The following CNTNAP5 variants were observed in gnomAD, a reference collection of about 807,000 sequenced individuals.
CNTNAP5 encodes contactin-associated protein-like 5.
In CNTNAP5, 72 loss-of-function variants were observed where a neutral mutation model predicts 150.2. That is an observed-to-expected ratio of 0.48 (90% CI 0.40 to 0.58). The LOEUF is 0.58. Ranked by LOEUF, CNTNAP5 falls within the 20% of genes least tolerant of loss-of-function variation. CNTNAP5 has a pLI of 0.00. For missense variants in CNTNAP5, 1,636 were observed against 1,626.2 expected, an observed-to-expected ratio of 1.01 and a Z score of -0.10; for synonymous variants, 672 against 619.8, an observed-to-expected ratio of 1.08 and a Z score of -1.25.
chr2:124,586,882 A>G (rs13432190), intron 11 of CNTNAP5, among the ~76,000 whole-genome samples: 1,798 of 152,268 alleles, frequency 0.012, 37 homozygotes, highest in African/African-American at 0.041. Flanking sequence ...GATTTTTTAT[A>G]TTAAATGTAC....
At chr2:124,461,691 A>C (rs2104821426) in intron 6 of CNTNAP5, among the ~76,000 whole-genome samples, 1 of 151,882 alleles carries the variant, frequency 6.6e-6, no homozygotes, top group Non-Finnish European at 1.5e-5. Context: ...AAAAATAAAC[A>C]ATAAAAAATA....
intron 12 of CNTNAP5, among the ~76,000 whole-genome samples, chr2:124,645,995 T>C (rs1304978716): frequency 1.3e-5 from 2 of 152,054 alleles, no homozygotes; most frequent in Non-Finnish European, 2.9e-5. Context: ...AGGGATCCAC[T>C]CCCAAGACCC....
intron 1 of CNTNAP5, among the ~76,000 whole-genome samples, chr2:124,127,240 T>C (rs993752810): frequency 1.3e-5 from 2 of 152,090 alleles, no homozygotes; most frequent in East Asian, 3.9e-4. Flanking sequence ...TGTGCAAAAA[T>C]CACAAGCATT....
At chr2:124,240,521 G>A (rs148261918) in intron 2 of CNTNAP5, among the ~76,000 whole-genome samples, 6 of 152,264 alleles carry the variant, frequency 3.9e-5, no homozygotes, top group Non-Finnish European at 7.3e-5. Flanking sequence ...AGAAGGAAGA[G>A]AGAATGGATA....
chr2:124,884,226 T>C (rs1305193139), intron 21 of CNTNAP5, among the ~76,000 whole-genome samples: 1 of 152,068 alleles, frequency 6.6e-6, no homozygotes, highest in East Asian at 1.9e-4. Context: ...TGCATGCATA[T>C]GTATGTGTGC....
At chr2:124,799,790 G>A (rs536163501) in intron 19 of CNTNAP5, among the ~76,000 whole-genome samples, 1 of 152,302 alleles carries the variant, frequency 6.6e-6, no homozygotes, top group African/African-American at 2.4e-5. Flanking sequence ...AAATAATGAT[G>A]ATGGACCACA....
chr2:124,148,314 A>G (rs1029544037), intron 1 of CNTNAP5, among the ~76,000 whole-genome samples: 2 of 150,908 alleles, frequency 1.3e-5, no homozygotes, highest in African/African-American at 2.4e-5. Context: ...AAAAAGAAAG[A>G]AAAAAAAGAA....
rs1681686229 is a variant in CNTNAP5, at chr2:124,789,915, C to T, written c.2766C>T (p.Ser922=). 6.2e-7 allele frequency: 1 copy of T among 1,613,234 alleles called. No homozygotes were observed. The highest frequency in any genetic ancestry group is 2.2e-5 in the East Asian group (1 of 44,854). ...NSQLFVGGTS[S]RQKGFLGCIR... ...TTAACCTCTTAGGGGGAACGTCATC[C>T]AGACAGAAAGGCTTCCTAGGATGCA... Residue 922 remains serine, a synonymous_variant, in exon 18 of 24, where the codon TCC becomes TCT. Transcript: ENST00000682447.
rs548789897 is a variant in CNTNAP5, at chr2:124,895,179, AT to A, written c.3437-7702del. Among the ~76,000 whole-genome samples the A allele has an allele frequency of 4.0e-4, 61 of 151,590 alleles. 1 individual carries two copies. Among genetic ancestry groups the A allele is most frequent in the Non-Finnish European group, 7.1e-4 (48 of 68,002 alleles). ...TATCATTAATATCTACCTATCATCTATCTATTTCTTCATCCTTTTATCTGTC... is the reference window on the plus strand; with the variant it reads ...TATCATTAATATCTACCTATCATCTACTATTTCTTCATCCTTTTATCTGTC... On this transcript the variant is annotated intron_variant, in intron 21 of 23. Transcript: ENST00000682447.
intron 3 of CNTNAP5, among the ~76,000 whole-genome samples, chr2:124,299,656 CGT>C (rs1235840073): frequency 6.6e-6 from 1 of 152,026 alleles, no homozygotes; most frequent in Non-Finnish European, 1.5e-5. Flanking sequence ...CATGTGCGTG[CGT>C]GTGTGTAGAA....
At chr2:124,851,630 T>C (rs1683158988) in intron 19 of CNTNAP5, among the ~76,000 whole-genome samples, 1 of 152,196 alleles carries the variant, frequency 6.6e-6, no homozygotes, top group Non-Finnish European at 1.5e-5. Context: ...ACTTTGTGGT[T>C]CTTTTACAAA....
chr2:124,765,031 T>A (rs1040567175), intron 16 of CNTNAP5, among the ~76,000 whole-genome samples: 4 of 152,116 alleles, frequency 2.6e-5, no homozygotes, highest in Non-Finnish European at 2.9e-5. Context: ...TTATCTTATA[T>A]TGAGAAAATA....
chr2:124,297,151 A>G (rs560349881), intron 3 of CNTNAP5, among the ~76,000 whole-genome samples: 325 of 152,340 alleles, frequency 2.1e-3, no homozygotes, highest in Middle Eastern at 6.8e-3. Flanking sequence ...TAGAGCCACA[A>G]GGAATATTTT....
intron 13 of CNTNAP5, among the ~76,000 whole-genome samples, chr2:124,658,724 T>C (rs911040152): frequency 6.6e-6 from 1 of 152,226 alleles, no homozygotes; most frequent in Admixed American, 6.5e-5. Flanking sequence ...TATGTTTGTG[T>C]GTATTACCGT....
At chr2:124,497,641 G>T (rs1694181778) in intron 7 of CNTNAP5, among the ~76,000 whole-genome samples, 1 of 152,142 alleles carries the variant, frequency 6.6e-6, no homozygotes, top group African/African-American at 2.4e-5. Flanking sequence ...TTTCTGATAG[G>T]TACTTGTTCT....
chr2:124,333,275 C>A (rs1248358523), intron 3 of CNTNAP5, among the ~76,000 whole-genome samples: 1 of 151,718 alleles, frequency 6.6e-6, no homozygotes, highest in Admixed American at 6.6e-5. Context: ...TCTTGAAAAC[C>A]AAACAAAAAA....
chr2:124,650,648 G>A (rs1366221503), intron 13 of CNTNAP5, among the ~76,000 whole-genome samples: 3 of 152,154 alleles, frequency 2.0e-5, no homozygotes, highest in African/African-American at 7.2e-5. Context: ...TTTATCAGAT[G>A]AATCTGTGGT....
intron 3 of CNTNAP5, among the ~76,000 whole-genome samples, chr2:124,363,307 A>G (rs1169518958): frequency 1.3e-5 from 2 of 151,842 alleles, no homozygotes; most frequent in Non-Finnish European, 2.9e-5. Flanking sequence ...CCCTGACTTG[A>G]TTTCATCTAT....
At chr2:124,797,914 A>T (rs1023326038) in intron 18 of CNTNAP5, among the ~76,000 whole-genome samples, 182 bp from the exon 19 acceptor site, 4 of 152,168 alleles carry the variant, frequency 2.6e-5, no homozygotes, top group African/African-American at 9.7e-5. Flanking sequence ...TAAGTTTTTC[A>T]TTTGTAAATT....
Sources: allele counts gnomAD v4.1 joint callset (sites outside exome capture counted in the v4.1 genomes callset), GRCh38; gene constraint gnomAD v4.1.1; transcripts MANE v1.5; gene names NCBI Gene and HGNC (gene_info 2026-07-23, HGNC 2026-07-21).